Variants in VPS4A observed in about 807,000 individuals in gnomAD.
VPS4A encodes the protein vacuolar protein sorting 4 homolog A.
VPS4A carries 20 observed loss-of-function variants against 52.3 expected under a neutral mutation model. The observed-to-expected ratio is 0.38, with a 90% CI of 0.27 to 0.56. VPS4A has a LOEUF of 0.56. Among genes scored for constraint, VPS4A ranks in the 20% least tolerant of loss-of-function variants. The probability of loss-of-function intolerance (pLI) is 0.72; values close to 1 mark genes in which losing one functional copy is unlikely to be tolerated. For synonymous variants in VPS4A, 293 were observed against 227.7 expected (o/e 1.29, Z -2.58); for missense variants, 419 against 575.9 (o/e 0.73, Z 2.79).
At chr16:69,317,953 CAAA>C (rs35907075) in intron 3 of VPS4A, among the ~76,000 whole-genome samples, 1 of 46,046 alleles carries the variant, frequency 2.2e-5, no homozygotes, top group African/African-American at 7.9e-5. Flanking sequence ...GGCACCATCT[CAAA>C]AAAAAAAAAA....
rs925990348 is a variant in VPS4A, at chr16:69,320,011, G to A, written c.621-130G>A. 39 of 1,314,016 alleles carry A rather than the reference G, an allele frequency of 3.0e-5. No individual in the cohort carries two copies. The highest frequency in any genetic ancestry group is 2.8e-4 in the Middle Eastern group (1 of 3,632). The allele number at this position is 1,314,016 out of a possible 1,614,324, so 81.4% of individuals were successfully genotyped here. A position where few individuals can be genotyped will look rare whatever the true frequency, so the allele number is the denominator to read the frequency against. On this transcript the variant is annotated intron_variant, in intron 6 of 10. Transcript: ENST00000254950. This position sits in a 1 kb window ranked among gnomAD's most constrained non-coding sequence, Gnocchi z 4.2. ...TGGCCCGAGGGCTCCTCACCACCAC[G>A]TTTTCCGCAATTCCGGCATGACCGT... is the stretch of plus-strand genomic sequence containing the variant.
rs1046443228 is a variant in VPS4A at position 69,324,814 on chromosome 16, C to T, written c.*505C>T. 2 of 181,316 alleles carry T rather than the reference C, an allele frequency of 1.1e-5. No individual in the cohort carries two copies. Among genetic ancestry groups the T allele is most frequent in the East Asian group, 1.3e-4 (1 of 7,606 alleles). 11.2% of individuals were successfully genotyped at this position (181,316 alleles called of 1,614,324 possible). On this transcript the variant is annotated 3_prime_UTR_variant, in exon 11 of 11. Coordinates refer to ENST00000254950, the MANE Select transcript of VPS4A (RefSeq NM_013245.3). The stretch of plus-strand genomic sequence containing the variant: ...TGCCCCTGCAACCCCAGCCCAAGCT[C>T]TGCCTCAAAGACCGAGTGACATAAG...
At position 69,320,779 on chromosome 16, in the gene VPS4A, C is replaced by CTTT; in HGVS notation, c.851+10_851+11insTTT. 1 of 1,598,066 alleles carries CTTT rather than the reference C, an allele frequency of 6.3e-7. No homozygotes were observed. Among genetic ancestry groups the CTTT allele is most frequent in the South Asian group, 1.1e-5 (1 of 88,320 alleles). ...CGGCCATCAGGAGGAGGTGAGTCTT[C>CTTT]CCCAGGAGAAGCCAGGGCTGGAGGC... On this transcript the variant is annotated intron_variant, in intron 8 of 10. Transcript: ENST00000254950. The surrounding 1 kb of genome is among the most constrained non-coding windows in gnomAD (Gnocchi z 4.2).
Position 69,325,381 on chromosome 16 carries a change from A to AGAGTTTTTAAAT in VPS4A, c.*1077_*1078insTTTAAATGAGTT, listed in dbSNP as rs1965576882. 7.0e-6 allele frequency: 1 copy of AGAGTTTTTAAAT among 142,606 alleles called. No individual in the cohort carries two copies. The highest frequency in any genetic ancestry group is 2.5e-5 in the African/African-American group (1 of 40,080). The allele number at this position is 142,606 out of a possible 1,614,324, so 8.8% of individuals were successfully genotyped here. Reference sequence around the variant, plus strand: ...GTCTGCCGCTAACATTTAAAAGTCGAGAGTTGCTGGGCGCGGTGGCTCACG... The same window carrying AGAGTTTTTAAAT: ...GTCTGCCGCTAACATTTAAAAGTCGAGAGTTTTTAAATGAGTTGCTGGGCGCGGTGGCTCACG... On this transcript the variant is annotated 3_prime_UTR_variant, in exon 11 of 11. Transcript: ENST00000254950.
In VPS4A at chr16:69,321,274, A is replaced by T; in HGVS notation, c.1071+4A>T. The T allele has an allele frequency of 6.4e-7, 1 of 1,550,640 alleles. No homozygotes were observed. Among genetic ancestry groups the T allele is most frequent in the Non-Finnish European group, 8.7e-7 (1 of 1,147,094 alleles). ...GTCGGCCACACACTTCAAAAAGGTG[A>T]GTGCCCGCGGCCACTGCTGAGAAAA... On this transcript the variant is annotated splice_donor_region_variant and intron_variant, in intron 9 of 10. Coordinates refer to ENST00000254950, the MANE Select transcript of VPS4A (RefSeq NM_013245.3). The surrounding 1 kb of genome is among the most constrained non-coding windows in gnomAD (Gnocchi z 4.5).
At chr16:69,323,149 C>CTGGGGGCCCAGAATG (rs1436814583) in intron 10 of VPS4A, 12 of 162,142 alleles carry the variant, frequency 7.4e-5, no homozygotes, top group African/African-American at 2.6e-4. Flanking sequence ...ATTACACTCA[C>CTGGGGGCCCAGAATG]TGGGGGCCCA....
Position 69,322,636 on chromosome 16 carries a change from G to A in VPS4A, c.1148G>A (p.Gly383Glu), listed in dbSNP as rs762905489. The A allele has an allele frequency of 3.7e-6, 6 of 1,613,936 alleles. No individual in the cohort carries two copies. The highest frequency in any genetic ancestry group is 1.1e-5 in the South Asian group (1 of 91,078). Reference sequence around the variant, plus strand: ...ACTCCATGCTCACCAGGGGACCCAGGAGCCATGGAGATGACTTGGATGGAT... The same window carrying A: ...ACTCCATGCTCACCAGGGGACCCAGAAGCCATGGAGATGACTTGGATGGAT... Reference protein sequence around the residue: ...LLTPCSPGDPGAMEMTWMDVP... With the variant: ...LLTPCSPGDPEAMEMTWMDVP... Residue 383 changes from glycine (G) to glutamate (E), a missense_variant, in exon 10 of 11, where the codon GGA (glycine) becomes GAA (glutamate). Physicochemically the swap from Gly to Glu is moderately conservative, Grantham distance 98 (BLOSUM62 -2). Coordinates refer to ENST00000254950, the MANE Select transcript of VPS4A (RefSeq NM_013245.3).
At position 69,321,326 on chromosome 16, in the gene VPS4A, G is replaced by GTTT; in HGVS notation, c.1071+64_1071+66dup. Reference sequence around the variant, plus strand: ...TCTCATAGTAAGAGCGGGATGTTCGGTTTTTTTTTTCCCAGCTCCTGGTCC... The same window carrying GTTT: ...TCTCATAGTAAGAGCGGGATGTTCGGTTTTTTTTTTTTTCCCAGCTCCTGGTCC... On this transcript the variant is annotated intron_variant, in intron 9 of 10. Transcript: ENST00000254950. This position sits in a 1 kb window ranked among gnomAD's most constrained non-coding sequence, Gnocchi z 4.5. The GTTT allele has an allele frequency of 7.2e-7, 1 of 1,391,826 alleles. No homozygotes were observed. The highest frequency in any genetic ancestry group is 9.7e-7 in the Non-Finnish European group (1 of 1,035,814). 86.2% of individuals were successfully genotyped at this position (1,391,826 alleles called of 1,614,324 possible).
At position 69,321,434 on chromosome 16, in the gene VPS4A, T is replaced by G; in HGVS notation, c.1071+164T>G. The G allele has an allele frequency of 1.4e-6, 1 of 708,210 alleles. No individual in the cohort carries two copies. 43.9% of individuals were successfully genotyped at this position (708,210 alleles called of 1,614,324 possible). A position where few individuals can be genotyped will look rare whatever the true frequency, so the allele number is the denominator to read the frequency against. Reference sequence around the variant, plus strand: ...AGTGCCATGGGGGCTGCACCCACTGTCCCCTCCCTGCAGCTCTTCTGGAGT... The same window carrying G: ...AGTGCCATGGGGGCTGCACCCACTGGCCCCTCCCTGCAGCTCTTCTGGAGT... On this transcript the variant is annotated intron_variant, in intron 9 of 10. Transcript: ENST00000254950. The surrounding 1 kb of genome is among the most constrained non-coding windows in gnomAD (Gnocchi z 4.5).
chr16:69,325,835 G>A lies in VPS4A; in HGVS notation c.*1526G>A, dbSNP rs1204072656. 2.0e-5 allele frequency: 3 copies of A among 152,076 alleles called. No individual in the cohort carries two copies. The highest frequency in any genetic ancestry group is 2.9e-5 in the Non-Finnish European group (2 of 68,050). 9.4% of individuals were successfully genotyped at this position (152,076 alleles called of 1,614,324 possible). ...GGCCTGCGTCCTCATGGGGCAGCCT[G>A]TCAGCGGCCACTAAGTAGAGGCTGC... On this transcript the variant is annotated 3_prime_UTR_variant, in exon 11 of 11. Coordinates refer to ENST00000254950, the MANE Select transcript of VPS4A (RefSeq NM_013245.3).
Position 69,319,550 on chromosome 16 carries a change from C to G in VPS4A, c.620+7C>G. Reference sequence around the variant, plus strand: ...GGCTGGGGGAGAGTGAAAAGTAAGTCGGCCACCAGGCCATGCTCTGCCAGC... The same window carrying G: ...GGCTGGGGGAGAGTGAAAAGTAAGTGGGCCACCAGGCCATGCTCTGCCAGC... On this transcript the variant is annotated splice_region_variant and intron_variant, in intron 6 of 10. Coordinates refer to ENST00000254950, the MANE Select transcript of VPS4A (RefSeq NM_013245.3). 1 of 1,608,892 alleles carries G rather than the reference C, an allele frequency of 6.2e-7. No homozygotes were observed. The highest frequency in any genetic ancestry group is 8.5e-7 in the Non-Finnish European group (1 of 1,177,794).
chr16:69,322,777 G>A (rs1285235856), intron 10 of VPS4A, 77 bp downstream of exon 10: 21 of 1,521,620 alleles, frequency 1.4e-5, no homozygotes, highest in East Asian at 4.6e-5. Context: ...GAATAAAAAC[G>A]GTCTTCTCCA....
In VPS4A at chr16:69,320,616, G is replaced by A. The variant is rs1965498237; in HGVS notation, c.770-72G>A. 2 of 1,344,478 alleles carry A rather than the reference G, an allele frequency of 1.5e-6. No homozygotes were observed. Among genetic ancestry groups the A allele is most frequent in the Middle Eastern group, 1.8e-4 (1 of 5,472 alleles). The allele number at this position is 1,344,478 out of a possible 1,614,324, so 83.3% of individuals were successfully genotyped here. On this transcript the variant is annotated intron_variant, in intron 7 of 10. Transcript: ENST00000254950. The surrounding 1 kb of genome is among the most constrained non-coding windows in gnomAD (Gnocchi z 4.2). ...AATTGCTGACACACAAAGCCCCCGG[G>A]GTCTGTCCCCAGGTTTCAACTGACC...
At chr16:69,312,407 A>C (rs763199798) in intron 1 of VPS4A, among the ~76,000 whole-genome samples, 2 of 152,110 alleles carry the variant, frequency 1.3e-5, no homozygotes, top group Non-Finnish European at 2.9e-5. Flanking sequence ...TAGCATTCAG[A>C]GACCTGGAGG....
chr16:69,321,325 G>GTT lies in VPS4A; in HGVS notation c.1071+55_1071+56insTT, dbSNP rs1652447050. ...ATCTCATAGTAAGAGCGGGATGTTCGGTTTTTTTTTTCCCAGCTCCTGGTC... is the reference window on the plus strand; with the variant it reads ...ATCTCATAGTAAGAGCGGGATGTTCGTTGTTTTTTTTTTCCCAGCTCCTGGTC... On this transcript the variant is annotated intron_variant, in intron 9 of 10. Transcript: ENST00000254950. The surrounding 1 kb of genome is among the most constrained non-coding windows in gnomAD (Gnocchi z 4.5). 5.0e-6 allele frequency: 7 copies of GTT among 1,406,468 alleles called. No individual in the cohort carries two copies. The highest frequency in any genetic ancestry group is 2.7e-5 in the South Asian group (2 of 73,958). 87.1% of individuals were successfully genotyped at this position (1,406,468 alleles called of 1,614,324 possible). A position where few individuals can be genotyped will look rare whatever the true frequency, so the allele number is the denominator to read the frequency against.
intron 10 of VPS4A, chr16:69,322,943 T>G: frequency 3.7e-6 from 1 of 269,766 alleles, no homozygotes; most frequent in Non-Finnish European, 6.9e-6. Context: ...TGGTGTGCAC[T>G]TGTAGTCCCA....
chr16:69,311,446 G>C lies in VPS4A; in HGVS notation c.-66G>C. The C allele has an allele frequency of 8.1e-7, 1 of 1,240,344 alleles. No individual in the cohort carries two copies. The highest frequency in any genetic ancestry group is 1.0e-6 in the Non-Finnish European group (1 of 982,898). 76.8% of individuals were successfully genotyped at this position (1,240,344 alleles called of 1,614,324 possible). ...TTCCCGCGCCGGACCCAGTACCTCGGCTCCCCGGGGCCGGACCGAGGCCGC... is the reference window on the plus strand; with the variant it reads ...TTCCCGCGCCGGACCCAGTACCTCGCCTCCCCGGGGCCGGACCGAGGCCGC... On this transcript the variant is annotated 5_prime_UTR_variant, in exon 1 of 11. Transcript: ENST00000254950.
rs1196084062 is a variant in VPS4A at position 69,320,043 on chromosome 16, C to T, written c.621-98C>T. The T allele has an allele frequency of 6.9e-6, 10 of 1,458,610 alleles. No individual in the cohort carries two copies. The highest frequency in any genetic ancestry group is 4.2e-5 in the African/African-American group (3 of 70,992). The allele number at this position is 1,458,610 out of a possible 1,614,324, so 90.4% of individuals were successfully genotyped here. A position where few individuals can be genotyped will look rare whatever the true frequency, so the allele number is the denominator to read the frequency against. The stretch of plus-strand genomic sequence containing the variant: ...GCAATTCCGGCATGACCGTGGCCTG[C>T]GCCTCCCTGTGGGAAGGGTGAGAAG... On this transcript the variant is annotated intron_variant, in intron 6 of 10. Transcript: ENST00000254950. The surrounding 1 kb of genome is among the most constrained non-coding windows in gnomAD (Gnocchi z 4.2).
At chr16:69,315,749 G>A (rs1221645215) in intron 1 of VPS4A, among the ~76,000 whole-genome samples, 1 of 152,160 alleles carries the variant, frequency 6.6e-6, no homozygotes, top group Admixed American at 6.5e-5. Context: ...GAGATATTAG[G>A]TCAGGTTTCC....
Sources: allele counts gnomAD v4.1 joint callset (sites outside exome capture counted in the v4.1 genomes callset), GRCh38; gene constraint gnomAD v4.1.1; non-coding constraint Gnocchi (gnomAD v3.1); transcripts MANE v1.5; gene names NCBI Gene and HGNC (gene_info 2026-07-23, HGNC 2026-07-21).